Variants in RASGRF2 observed in about 807,000 individuals in gnomAD.
RASGRF2 encodes ras-specific guanine nucleotide-releasing factor 2.
In RASGRF2, 76 loss-of-function variants were observed where a neutral mutation model predicts 151.0. That is an observed-to-expected ratio of 0.50 (90% CI 0.42 to 0.61). The LOEUF (loss-of-function observed/expected upper bound fraction) is 0.61. Ranked by LOEUF, RASGRF2 falls within the 20% of genes least tolerant of loss-of-function variation. RASGRF2 has a pLI of 0.00. For synonymous variants in RASGRF2, 504 were observed against 566.5 expected, an observed-to-expected ratio of 0.89 and a Z score of 1.57; for missense variants, 1,148 against 1,564.6, an observed-to-expected ratio of 0.73 and a Z score of 4.49.
At chr5:81,112,547 T>C (rs1753025358) in intron 13 of RASGRF2, 63 bp from the exon 14 acceptor site, 25 of 1,602,074 alleles carry the variant, frequency 1.6e-5, no homozygotes, top group Non-Finnish European at 2.0e-5. Context: ...CGCTGAAATA[T>C]TCAGTGGCCG....
At chr5:81,127,643 G>T (rs1412521398) in intron 17 of RASGRF2, among the ~76,000 whole-genome samples, 1 of 152,040 alleles carries the variant, frequency 6.6e-6, no homozygotes, top group Non-Finnish European at 1.5e-5. Context: ...TCCTTATTTG[G>T]CCAGGCACAG....
At chr5:80,990,548 T>C (rs1455169947) in intron 1 of RASGRF2, among the ~76,000 whole-genome samples, 1 of 152,130 alleles carries the variant, frequency 6.6e-6, no homozygotes, top group Non-Finnish European at 1.5e-5. Context: ...CTAGCTGGCT[T>C]CTGTTAGGAG....
At chr5:81,042,304 G>T (rs1459299961) in intron 1 of RASGRF2, among the ~76,000 whole-genome samples, 3 of 152,184 alleles carry the variant, frequency 2.0e-5, no homozygotes, top group Admixed American at 6.5e-5. Flanking sequence ...TGTCAAGTAT[G>T]CATTCTGGAA....
chr5:81,047,814 A>G (rs534234198), intron 2 of RASGRF2, among the ~76,000 whole-genome samples: 2 of 152,162 alleles, frequency 1.3e-5, no homozygotes, highest in East Asian at 3.9e-4. Flanking sequence ...TCTGTTTTTA[A>G]TGTTTAGTCT....
At chr5:81,203,218 A>G (rs780738611) in intron 19 of RASGRF2, among the ~76,000 whole-genome samples, 4 of 152,174 alleles carry the variant, frequency 2.6e-5, no homozygotes, top group Admixed American at 6.5e-5. Context: ...TTTGCATTTA[A>G]AACACTAATA....
At position 81,112,756 on chromosome 5, in the gene RASGRF2, T is replaced by G; in HGVS notation, c.1985T>G (p.Leu662Arg). Residue 662 changes from leucine (L) to arginine (R), a missense_variant, in exon 14 of 27, where the codon CTC (leucine) becomes CGC (arginine). Transcript: ENST00000265080. The part of the protein sequence containing the change: ...TDLRFLSIDF[L>R]NTFLHTYRIF... Reference sequence around the variant, plus strand: ...TTGCGGTTTCTTAGTATTGATTTCCTCAACACCTTTCTGCACACCTATCGT... The same window carrying G: ...TTGCGGTTTCTTAGTATTGATTTCCGCAACACCTTTCTGCACACCTATCGT... 1.2e-6 allele frequency: 2 copies of G among 1,614,232 alleles called. No individual in the cohort carries two copies. Among genetic ancestry groups the G allele is most frequent in the Non-Finnish European group, 1.7e-6 (2 of 1,180,032 alleles).
At chr5:81,064,367 C>G (rs1279160753) in intron 2 of RASGRF2, among the ~76,000 whole-genome samples, 1 of 152,168 alleles carries the variant, frequency 6.6e-6, no homozygotes, top group Non-Finnish European at 1.5e-5. Context: ...GAGATGGAAG[C>G]CAGAGTCTTA....
At chr5:80,979,989 T>C (rs1748245652) in intron 1 of RASGRF2, among the ~76,000 whole-genome samples, 1 of 152,234 alleles carries the variant, frequency 6.6e-6, no homozygotes, top group African/African-American at 2.4e-5. Context: ...TGATTCTTTA[T>C]ACAGCTACAG....
intron 17 of RASGRF2, among the ~76,000 whole-genome samples, chr5:81,131,883 A>G (rs1753630591): frequency 1.3e-5 from 2 of 152,170 alleles, no homozygotes; most frequent in Admixed American, 1.3e-4. Flanking sequence ...ATTTTTATGT[A>G]GACCCATAGG....
At chr5:81,200,498 C>CT (rs1755364552) in intron 18 of RASGRF2, among the ~76,000 whole-genome samples, 1 of 152,128 alleles carries the variant, frequency 6.6e-6, no homozygotes, top group East Asian at 1.9e-4. Flanking sequence ...CCCCATTAGT[C>CT]TGTGTCATTC....
chr5:81,030,421 A>AGG (rs747661154), intron 1 of RASGRF2, among the ~76,000 whole-genome samples: 8 of 152,226 alleles, frequency 5.3e-5, no homozygotes, highest in Admixed American at 2.6e-4. Context: ...TTACCCACAA[A>AGG]GGGAAGCCCA....
intron 22 of RASGRF2, among the ~76,000 whole-genome samples, chr5:81,209,762 T>C (rs1169294960): frequency 6.6e-6 from 1 of 152,182 alleles, no homozygotes. Context: ...CAGACCCACA[T>C]GTCTCCTCTG....
chr5:81,024,872 C>T (rs520336), intron 1 of RASGRF2, among the ~76,000 whole-genome samples: 94,433 of 152,014 alleles, frequency 0.62, 29,978 homozygotes, highest in Middle Eastern at 0.78. Flanking sequence ...GAATTTAAAG[C>T]GAAAGCTTCT....
intron 1 of RASGRF2, among the ~76,000 whole-genome samples, chr5:81,019,252 C>T (rs1317098635): frequency 6.6e-6 from 1 of 152,164 alleles, no homozygotes; most frequent in Non-Finnish European, 1.5e-5. Flanking sequence ...AAGGCTGGAC[C>T]GCAAGGCAGG....
intron 1 of RASGRF2, among the ~76,000 whole-genome samples, chr5:80,970,345 A>C (rs1747890535): frequency 6.6e-6 from 1 of 152,166 alleles, no homozygotes; most frequent in Admixed American, 6.5e-5. Flanking sequence ...TTTTGATTGC[A>C]AGGGAGAGGT....
At chr5:81,206,565 C>A (rs759151037) in intron 19 of RASGRF2, among the ~76,000 whole-genome samples, 1 of 152,174 alleles carries the variant, frequency 6.6e-6, no homozygotes, top group Non-Finnish European at 1.5e-5. Flanking sequence ...CCCAGCTCAC[C>A]CTCAGACTCA....
At chr5:81,026,079 C>T (rs2112348823) in intron 1 of RASGRF2, among the ~76,000 whole-genome samples, 1 of 137,608 alleles carries the variant, frequency 7.3e-6, no homozygotes, top group Admixed American at 7.6e-5. Flanking sequence ...CTCTCTCCCT[C>T]CCTTCCTTCC....
intron 1 of RASGRF2, among the ~76,000 whole-genome samples, chr5:80,973,332 G>C (rs1748001225): frequency 6.6e-6 from 1 of 152,214 alleles, no homozygotes; most frequent in Admixed American, 6.5e-5. Flanking sequence ...CAAAAGTCAT[G>C]ATGTTCTTCC....
At chr5:81,006,544 C>T (rs1010441988) in intron 1 of RASGRF2, among the ~76,000 whole-genome samples, 10 of 152,284 alleles carry the variant, frequency 6.6e-5, no homozygotes, top group Admixed American at 6.5e-4. Context: ...TACCCCAGAG[C>T]AGCTAACCCA....
Sources: gnomAD v4.1 joint callset for allele counts (sites outside exome capture counted in the v4.1 genomes callset) on GRCh38, gnomAD v4.1.1 for gene constraint, MANE v1.5 for transcripts, NCBI Gene and HGNC (gene_info 2026-07-23, HGNC 2026-07-21) for gene names.